ARHGEF33: variants seen among roughly 807,000 people sequenced by gnomAD.
ARHGEF33 encodes the protein DH and coiled-coil domain-containing protein ENSP00000381780.
In ARHGEF33, 72 loss-of-function variants were observed where a neutral mutation model predicts 101.9. The ratio of observed to expected loss-of-function variants is 0.71; its 90% confidence interval spans 0.58 to 0.86. ARHGEF33 has a LOEUF of 0.86. ARHGEF33 is among the 40% of genes least tolerant of loss of function. ARHGEF33 has a pLI of 0.00. For synonymous variants in ARHGEF33, 499 were observed against 442.5 expected (o/e 1.13, Z -1.60); for missense variants, 1,169 against 1,111.3 (o/e 1.05, Z -0.74).
chr2:38,962,897 A>C (rs989531882), intron 16 of ARHGEF33, among the ~76,000 whole-genome samples: 2 of 147,762 alleles, frequency 1.4e-5, no homozygotes, highest in African/African-American at 5.0e-5. Context: ...GGTGGTGAGC[A>C]CCTGTAGTCC....
At chr2:38,942,915 A>G (rs976277365) in intron 9 of ARHGEF33, among the ~76,000 whole-genome samples, 1 of 152,122 alleles carries the variant, frequency 6.6e-6, no homozygotes, top group South Asian at 2.1e-4. Flanking sequence ...TGGCAAATTA[A>G]CTTTTGATAA....
At chr2:38,946,020 A>G (rs537678520) in intron 10 of ARHGEF33, among the ~76,000 whole-genome samples, 1 of 152,364 alleles carries the variant, frequency 6.6e-6, no homozygotes, top group South Asian at 2.1e-4. Context: ...AAAGTTTCTC[A>G]GAGAGCCAGA....
chr2:38,926,032 A>C (rs1666861196), intron 4 of ARHGEF33, among the ~76,000 whole-genome samples: 1 of 152,222 alleles, frequency 6.6e-6, no homozygotes. Context: ...AAGAAAATTG[A>C]GAATCAGAAA....
intron 16 of ARHGEF33, among the ~76,000 whole-genome samples, chr2:38,963,567 C>T (rs554717803): frequency 4.6e-5 from 7 of 152,160 alleles, no homozygotes; most frequent in African/African-American, 1.7e-4. Context: ...AAAGAAGATA[C>T]AATTTTTGAG....
chr2:38,936,010 T>C lies in ARHGEF33; in HGVS notation c.565+176T>C, dbSNP rs565800738. Among the ~76,000 whole-genome samples the C allele has an allele frequency of 2.0e-5, 3 of 152,194 alleles. No individual in the cohort carries two copies. In the East Asian group the frequency reaches 5.8e-4, roughly 29 times the overall value. ...GTACTAGAGCAGGTCAGTGACTCATTTGAACCAAGGAGAGAGAAGGGCTAG... is the reference window on the plus strand; with the variant it reads ...GTACTAGAGCAGGTCAGTGACTCATCTGAACCAAGGAGAGAGAAGGGCTAG... On this transcript the variant is annotated intron_variant, in intron 8 of 17. Transcript: ENST00000409978.
At position 38,931,194 on chromosome 2, in the gene ARHGEF33, C is replaced by A. The variant is rs1308581713; in HGVS notation, c.448C>A (p.Pro150Thr). 1 of 1,551,480 alleles carries A rather than the reference C, an allele frequency of 6.4e-7. No individual in the cohort carries two copies. The change falls in exon 7 of 18, where the codon CCT becomes ACT. Residue 150 changes from proline (P) to threonine (T), a missense_variant. Physicochemically the swap from Pro to Thr is conservative, Grantham distance 38. Transcript: ENST00000409978. ...SPFRSINIPE[P>T]VLPSEDFTNL... ...TTTTCGTTCTATCAATATCCCTGAGCCTGTTCTTCCAAGCGAAGACTTTAC... is the reference window on the plus strand; with the variant it reads ...TTTTCGTTCTATCAATATCCCTGAGACTGTTCTTCCAAGCGAAGACTTTAC...
chr2:38,930,829 C>T (rs928282103), intron 6 of ARHGEF33, among the ~76,000 whole-genome samples: 3 of 151,850 alleles, frequency 2.0e-5, no homozygotes, highest in Non-Finnish European at 2.9e-5. Flanking sequence ...CTAAAGATCC[C>T]GATGATAAGG....
rs1267969998 is a variant in ARHGEF33, at chr2:38,960,541, G to C, written c.2236G>C (p.Ala746Pro). The part of the protein sequence containing the change: ...APIKAERAAQ[A>P]HGPAAAAVAA... ...CATCAAGGCCGAGCGCGCCGCGCAG[G>C]CGCACGGCCCGGCCGCCGCCGCCGT... Residue 746 changes from alanine to proline, a missense_variant, in exon 16 of 18, where the codon GCG (alanine) becomes CCG (proline). By Grantham distance (27) the Ala-to-Pro change is conservative. Transcript: ENST00000409978. 3 of 1,258,372 alleles carry C rather than the reference G, an allele frequency of 2.4e-6. No homozygotes were observed. The East Asian group carries it at 1.1e-4, about 44-fold the overall frequency. The allele number at this position is 1,258,372 out of a possible 1,614,324, so 78.0% of individuals were successfully genotyped here. A position where few individuals can be genotyped will look rare whatever the true frequency, so the allele number is the denominator to read the frequency against.
chr2:38,950,085 T>C (rs1273552152), intron 10 of ARHGEF33, among the ~76,000 whole-genome samples: 1 of 152,044 alleles, frequency 6.6e-6, no homozygotes, highest in Non-Finnish European at 1.5e-5. Context: ...GGGACACACA[T>C]CCAAACTGTA....
In ARHGEF33 at chr2:38,931,103, T is replaced by C; in HGVS notation, c.363-6T>C. 1 of 1,541,512 alleles carries C rather than the reference T, an allele frequency of 6.5e-7. No individual in the cohort carries two copies. The highest frequency in any genetic ancestry group is 8.7e-7 in the Non-Finnish European group (1 of 1,144,178). On this transcript the variant is annotated splice_region_variant and splice_polypyrimidine_tract_variant and intron_variant, in intron 6 of 17. Transcript: ENST00000409978. ...GAATAGCCTTGTCTTTGTTTCTCTT[T>C]CCTAGGAAAACTCAAAAAGAAGAGC...
chr2:38,957,250 A>C (rs1462802617), intron 14 of ARHGEF33, among the ~76,000 whole-genome samples: 3 of 152,312 alleles, frequency 2.0e-5, no homozygotes, highest in South Asian at 2.1e-4. Context: ...AGCAAAAAAA[A>C]CACTTCACTC....
chr2:38,902,481 T>C (rs1315572354), intron 2 of ARHGEF33, among the ~76,000 whole-genome samples: 2 of 152,236 alleles, frequency 1.3e-5, no homozygotes, highest in Non-Finnish European at 1.5e-5. Flanking sequence ...CCAAGTCACT[T>C]ATCCTCTCTG....
chr2:38,958,078 C>T lies in ARHGEF33; in HGVS notation c.1415C>T (p.Ala472Val). The change falls in exon 15 of 18, where the codon GCC (alanine) becomes GTC (valine). Residue 472 changes from alanine to valine, a missense_variant. Transcript: ENST00000409978. Reference protein sequence around the residue: ...KLYKGLASQCANAGQDASPTA... With the variant: ...KLYKGLASQCVNAGQDASPTA... ...TACAAAGGGCTGGCTTCCCAGTGTGCCAATGCTGGGCAAGATGCTTCCCCC... is the reference window on the plus strand; with the variant it reads ...TACAAAGGGCTGGCTTCCCAGTGTGTCAATGCTGGGCAAGATGCTTCCCCC... The T allele has an allele frequency of 6.4e-7, 1 of 1,552,218 alleles. No homozygotes were observed. Among genetic ancestry groups the T allele is most frequent in the Non-Finnish European group, 8.7e-7 (1 of 1,147,124 alleles).
intron 2 of ARHGEF33, among the ~76,000 whole-genome samples, chr2:38,902,453 C>A (rs1666270243): frequency 6.6e-6 from 1 of 152,164 alleles, no homozygotes; most frequent in Non-Finnish European, 1.5e-5. Context: ...TCTGTCAAAA[C>A]AGGAGCTTAT....
rs150820396 is a variant in ARHGEF33 at position 38,902,696 on chromosome 2, C to G, written c.-86+6847C>G. 7.9e-5 allele frequency among the ~76,000 whole-genome samples: 12 copies of G among 152,212 alleles called. No individual in the cohort carries two copies. In the East Asian group the frequency reaches 9.7e-4, roughly 12 times the overall value. ...TTATTCGGCACCTATTTATTCAAGG[C>G]CTATTCTGTGCTGGACACTGGTTTA... is the stretch of plus-strand genomic sequence containing the variant. On this transcript the variant is annotated intron_variant, in intron 2 of 17. Transcript: ENST00000409978.
chr2:38,936,256 A>G (rs541706373), intron 8 of ARHGEF33, among the ~76,000 whole-genome samples: 1 of 152,360 alleles, frequency 6.6e-6, no homozygotes, highest in East Asian at 1.9e-4. Flanking sequence ...AAGATAAAAG[A>G]AAACAAAATT....
chr2:38,929,679 C>A, intron 5 of ARHGEF33, 30 bp from the exon 6 acceptor site: 2 of 1,545,016 alleles, frequency 1.3e-6, no homozygotes, highest in Non-Finnish European at 1.8e-6. Context: ...CCATGTACCA[C>A]GTTAAAACAT....
At chr2:38,970,861 A>C (rs1046841172) in intron 17 of ARHGEF33, among the ~76,000 whole-genome samples, 5 of 152,226 alleles carry the variant, frequency 3.3e-5, no homozygotes, top group Non-Finnish European at 5.9e-5. Flanking sequence ...GTAAAGGGCC[A>C]GTGGATGCCC....
At chr2:38,969,044 T>C (rs1219629787) in intron 17 of ARHGEF33, among the ~76,000 whole-genome samples, 3 of 152,174 alleles carry the variant, frequency 2.0e-5, no homozygotes, top group Non-Finnish European at 4.4e-5. Context: ...AAGCATTCAA[T>C]CTTACATGCA....
Sources: gnomAD v4.1 joint callset for allele counts (sites outside exome capture counted in the v4.1 genomes callset) on GRCh38, gnomAD v4.1.1 for gene constraint, MANE v1.5 for transcripts, NCBI Gene and HGNC (gene_info 2026-07-23, HGNC 2026-07-21) for gene names.